The following THRB variants were observed in gnomAD, a reference collection of about 807,000 sequenced individuals.
THRB encodes the protein thyroid hormone receptor beta.
Under a neutral mutation model 47.8 loss-of-function variants are expected in THRB, and 12 were observed. The ratio of observed to expected loss-of-function variants is 0.25; its 90% CI spans 0.16 to 0.41. The LOEUF is 0.41. THRB is among the 10% of genes least tolerant of loss of function. The pLI is 1.00. For missense variants in THRB, 348 were observed against 589.2 expected (o/e 0.59, Z 4.24); for synonymous variants, 218 against 212.2 (o/e 1.03, Z -0.24).
chr3:24,233,178 T>G (rs59593493), intron 3 of THRB, among the ~76,000 whole-genome samples: 2,249 of 152,282 alleles, frequency 0.015, 52 homozygotes, highest in African/African-American at 0.05. Flanking sequence ...AAGTTATTAT[T>G]GAATCCTCTG....
At chr3:24,357,910 C>T (rs1242412447) in intron 1 of THRB, among the ~76,000 whole-genome samples, 1 of 152,098 alleles carries the variant, frequency 6.6e-6, no homozygotes, top group African/African-American at 2.4e-5. Flanking sequence ...TCATTCTTTA[C>T]TTCCTTGCCT....
chr3:24,371,926 T>C (rs1289065420), intron 1 of THRB, among the ~76,000 whole-genome samples: 5 of 152,156 alleles, frequency 3.3e-5, no homozygotes, highest in South Asian at 2.1e-4. Context: ...GTGGCACTTA[T>C]TCTGTTTCTT....
chr3:24,302,989 G>GT (rs1396890439), intron 2 of THRB, among the ~76,000 whole-genome samples: 3 of 152,062 alleles, frequency 2.0e-5, no homozygotes, highest in Non-Finnish European at 2.9e-5. Flanking sequence ...TTGCACTCCA[G>GT]TTTTTTACTG....
At chr3:24,248,683 C>T (rs1020250582) in intron 3 of THRB, among the ~76,000 whole-genome samples, 4 of 152,180 alleles carry the variant, frequency 2.6e-5, no homozygotes, top group Non-Finnish European at 4.4e-5. Context: ...CCAGTAGTCA[C>T]TGCTGTCTGG....
intron 3 of THRB, among the ~76,000 whole-genome samples, chr3:24,257,715 T>C (rs1226329474): frequency 1.3e-5 from 2 of 152,214 alleles, no homozygotes; most frequent in African/African-American, 4.8e-5. Flanking sequence ...AAACAGGCAG[T>C]GGGCACTTTC....
chr3:24,348,242 G>A (rs781202452), intron 1 of THRB, among the ~76,000 whole-genome samples: 3 of 152,040 alleles, frequency 2.0e-5, no homozygotes, highest in Non-Finnish European at 1.5e-5. Context: ...TCCTTTAAAC[G>A]GATGCATTGA....
At chr3:24,495,421 C>G (rs1698880668), upstream of THRB, 1 of 153,614 alleles carries the variant, frequency 6.5e-6, no homozygotes, top group East Asian at 1.9e-4. Context: ...GACCCCGACC[C>G]CGACCCCGAG....
intron 3 of THRB, among the ~76,000 whole-genome samples, chr3:24,282,085 C>G (rs1225217572): frequency 3.1e-5 from 4 of 127,706 alleles, no homozygotes; most frequent in Non-Finnish European, 6.3e-5. Flanking sequence ...CCAAGCAGAC[C>G]TAATAGACAT....
intron 1 of THRB, among the ~76,000 whole-genome samples, chr3:24,391,488 C>A (rs2066565785): frequency 6.6e-6 from 1 of 152,098 alleles, no homozygotes; most frequent in Admixed American, 6.6e-5. Flanking sequence ...AAACTAGAAT[C>A]TTCATGGCTC....
intron 4 of THRB, among the ~76,000 whole-genome samples, chr3:24,225,267 C>A (rs548724852): frequency 6.6e-6 from 1 of 152,302 alleles, no homozygotes; most frequent in South Asian, 2.1e-4. Flanking sequence ...GGGGTAACAT[C>A]TGAAAGCTCC....
intron 4 of THRB, among the ~76,000 whole-genome samples, chr3:24,217,371 G>A (rs943992029): frequency 8.6e-5 from 13 of 152,010 alleles, no homozygotes; most frequent in African/African-American, 2.7e-4. Flanking sequence ...TCTGTATAGC[G>A]TGGGAACATT....
chr3:24,391,307 T>C (rs941557716), intron 1 of THRB, among the ~76,000 whole-genome samples: 1 of 152,066 alleles, frequency 6.6e-6, no homozygotes, highest in Non-Finnish European at 1.5e-5. Context: ...TTGTGGAGAG[T>C]TGTCTCTTTC....
chr3:24,218,663 C>T (rs543716098), intron 4 of THRB, among the ~76,000 whole-genome samples: 5 of 151,888 alleles, frequency 3.3e-5, no homozygotes, highest in Non-Finnish European at 7.4e-5. Flanking sequence ...GTATGTTGTG[C>T]CCCAGTGCTC....
At chr3:24,304,711 T>C (rs1029361494) in intron 2 of THRB, among the ~76,000 whole-genome samples, 1 of 152,082 alleles carries the variant, frequency 6.6e-6, no homozygotes, top group East Asian at 1.9e-4. Context: ...ACAAAAATAG[T>C]AGAAAGAACA....
intron 3 of THRB, among the ~76,000 whole-genome samples, chr3:24,287,760 T>C (rs1031141309): frequency 7.2e-5 from 11 of 152,302 alleles, no homozygotes; most frequent in Non-Finnish European, 1.2e-4. Context: ...TGATGTTGCA[T>C]TGTAGGAACA....
intron 3 of THRB, among the ~76,000 whole-genome samples, chr3:24,252,046 A>G (rs2050720404): frequency 6.6e-6 from 1 of 152,170 alleles, no homozygotes; most frequent in Non-Finnish European, 1.5e-5. Flanking sequence ...AGTCCACTGA[A>G]TAAAAAAGTA....
chr3:24,397,918 G>C (rs934988760), intron 1 of THRB, among the ~76,000 whole-genome samples: 1 of 152,100 alleles, frequency 6.6e-6, no homozygotes, highest in Non-Finnish European at 1.5e-5. Flanking sequence ...CACATAGAGA[G>C]AAATCCCTCT....
At chr3:24,446,318 T>A (rs1480135009) in intron 1 of THRB, among the ~76,000 whole-genome samples, 1 of 152,154 alleles carries the variant, frequency 6.6e-6, no homozygotes, top group Non-Finnish European at 1.5e-5. Context: ...CATCTCTCTA[T>A]CAAACCTGGC....
At chr3:24,309,228 A>G (rs2057573861) in intron 2 of THRB, among the ~76,000 whole-genome samples, 1 of 152,228 alleles carries the variant, frequency 6.6e-6, no homozygotes. Context: ...ATAAGTTGAT[A>G]ATCAGAAATG....
Sources: gnomAD v4.1 joint callset for allele counts (sites outside exome capture counted in the v4.1 genomes callset) on GRCh38, gnomAD v4.1.1 for gene constraint, MANE v1.5 for transcripts, NCBI Gene and HGNC (gene_info 2026-07-23, HGNC 2026-07-21) for gene names.